The following RABGAP1 variants were observed in gnomAD, a reference collection of about 807,000 sequenced individuals.
RABGAP1 encodes RAB GTPase activating protein 1.
In RABGAP1, 23 loss-of-function variants were observed where a neutral mutation model predicts 137.6. That is an observed-to-expected ratio of 0.17 (90% CI 0.12 to 0.24). RABGAP1 has a LOEUF of 0.24. Ranked by LOEUF, RABGAP1 falls within the 10% of genes least tolerant of loss-of-function variation. The pLI is 1.00. For missense variants in RABGAP1, 906 were observed against 1,275.8 expected (o/e 0.71, Z 4.42); for synonymous variants, 451 against 450.7 (o/e 1.00, Z -0.01).
chr9:123,087,945 G>A (rs1383971807), intron 19 of RABGAP1, among the ~76,000 whole-genome samples: 2 of 152,084 alleles, frequency 1.3e-5, no homozygotes, highest in South Asian at 4.1e-4. Flanking sequence ...GAGAGTCCTA[G>A]TTACCTGGAC....
chr9:123,079,043 T>G (rs1208747007), intron 19 of RABGAP1, among the ~76,000 whole-genome samples: 1 of 152,186 alleles, frequency 6.6e-6, no homozygotes, highest in Non-Finnish European at 1.5e-5. Flanking sequence ...TTCTTCCTGT[T>G]TCATGCAATT....
chr9:123,014,960 C>A (rs1011450252), intron 11 of RABGAP1, among the ~76,000 whole-genome samples: 1 of 152,026 alleles, frequency 6.6e-6, no homozygotes, highest in Admixed American at 6.6e-5. Context: ...TGGGGGAAAC[C>A]GCCCCCATGA....
chr9:123,070,536 A>AT lies in RABGAP1; in HGVS notation c.1983+116dup. The stretch of plus-strand genomic sequence containing the variant: ...GTTTGGACAGACTCTTAAGGCATGA[A>AT]TTTTAACACCTATAGCTGGAAACTT... On this transcript the variant is annotated intron_variant, in intron 15 of 25. Transcript: ENST00000373647. This position sits in a 1 kb window ranked among gnomAD's most constrained non-coding sequence, Gnocchi z 4.4. 4.0e-6 allele frequency: 6 copies of AT among 1,509,624 alleles called. No homozygotes were observed. The highest frequency in any genetic ancestry group is 4.4e-6 in the Non-Finnish European group (5 of 1,131,596). The allele number at this position is 1,509,624 out of a possible 1,614,324, so 93.5% of individuals were successfully genotyped here. A position where few individuals can be genotyped will look rare whatever the true frequency, so the allele number is the denominator to read the frequency against.
At chr9:122,934,437 C>T in the RABGAP1 span, among the ~76,000 whole-genome samples, 1 of 152,162 alleles carries the variant, frequency 6.6e-6, no homozygotes. Context: ...CTCTTGTAGA[C>T]AGCATTTAGT....
At chr9:122,940,614 AT>A (rs1833490214), upstream of RABGAP1, among the ~76,000 whole-genome samples, 1 of 152,138 alleles carries the variant, frequency 6.6e-6, no homozygotes, top group Non-Finnish European at 1.5e-5. Flanking sequence ...TGAAGTACTG[AT>A]TTTCAAACAG....
chr9:123,067,259 T>C (rs2034206559), intron 14 of RABGAP1, among the ~76,000 whole-genome samples: 2 of 152,248 alleles, frequency 1.3e-5, no homozygotes, highest in South Asian at 4.1e-4. Context: ...GAGTTAGATA[T>C]GACTGATGTC....
In RABGAP1 at chr9:122,954,739, T is replaced by C. The variant is rs367995340; in HGVS notation, c.-49-2272T>C. ...ACTCCTTTACCCAATACTGAGTGTT[T>C]TGGGACAAGGCCCAAATTTGTGGCA... On this transcript the variant is annotated intron_variant, in intron 1 of 25. Coordinates refer to ENST00000373647, the MANE Select transcript of RABGAP1 (RefSeq NM_012197.4). Among the ~76,000 whole-genome samples, 8 of 152,206 alleles carry C rather than the reference T, an allele frequency of 5.3e-5. No homozygotes were observed. In the East Asian group the frequency reaches 1.2e-3, roughly 22 times the overall value.
At chr9:123,082,551 A>T (rs2034742362) in intron 19 of RABGAP1, among the ~76,000 whole-genome samples, 1 of 152,216 alleles carries the variant, frequency 6.6e-6, no homozygotes, top group African/African-American at 2.4e-5. Flanking sequence ...TTTGAGAACA[A>T]GTGAGACATA....
intron 13 of RABGAP1, among the ~76,000 whole-genome samples, chr9:123,063,994 G>T (rs1018564878): frequency 6.6e-6 from 1 of 152,106 alleles, no homozygotes; most frequent in Non-Finnish European, 1.5e-5. Flanking sequence ...TACAATTCTA[G>T]CTACCTTGCC....
chr9:122,944,790 T>C (rs1833847039), intron 1 of RABGAP1, among the ~76,000 whole-genome samples: 1 of 151,984 alleles, frequency 6.6e-6, no homozygotes, highest in Non-Finnish European at 1.5e-5. Context: ...TTGGCCAGGC[T>C]GGTCTCGAAC....
At chr9:123,100,741 G>A (rs1378755902) in intron 24 of RABGAP1, among the ~76,000 whole-genome samples, 1 of 152,242 alleles carries the variant, frequency 6.6e-6, no homozygotes, top group Middle Eastern at 3.4e-3. Context: ...TTTTTAAACA[G>A]AACTTATTTT....
At chr9:123,075,747 G>A (rs1303090888) in intron 17 of RABGAP1, among the ~76,000 whole-genome samples, 1 of 152,202 alleles carries the variant, frequency 6.6e-6, no homozygotes, top group African/African-American at 2.4e-5. Flanking sequence ...CTGAGGCCCA[G>A]CAGCTTAAGC....
At chr9:123,056,233 G>T (rs532074281) in intron 13 of RABGAP1, among the ~76,000 whole-genome samples, 38 of 152,314 alleles carry the variant, frequency 2.5e-4, no homozygotes, top group African/African-American at 8.9e-4. Flanking sequence ...AATGTTGACA[G>T]CAAATCATGT....
In RABGAP1 at chr9:123,064,095, G is replaced by C. The variant is rs532551271; in HGVS notation, c.1795-1253G>C. Among the ~76,000 whole-genome samples the C allele has an allele frequency of 1.6e-4, 24 of 152,142 alleles. No homozygotes were observed. The South Asian group carries it at 4.6e-3, about 29-fold the overall frequency. On this transcript the variant is annotated intron_variant, in intron 13 of 25. Coordinates refer to ENST00000373647, the MANE Select transcript of RABGAP1 (RefSeq NM_012197.4). Reference sequence around the variant, plus strand: ...CTCTCTCATTTTCTCACTCTCGCTTGCTCTCCCTCTCTCTCCCACTTTCTC... The same window carrying C: ...CTCTCTCATTTTCTCACTCTCGCTTCCTCTCCCTCTCTCTCCCACTTTCTC...
At chr9:123,029,399 G>A in intron 13 of RABGAP1, 1 of 1,456,468 alleles carries the variant, frequency 6.9e-7, no homozygotes, top group Non-Finnish European at 9.6e-7. Flanking sequence ...ACCAGCAGCT[G>A]GAGCATCTCT....
chr9:123,034,718 T>C, intron 13 of RABGAP1: 1 of 1,613,906 alleles, frequency 6.2e-7, no homozygotes, highest in Non-Finnish European at 8.5e-7. Context: ...ATTGTGATTT[T>C]TGTATTTCAC....
intron 2 of RABGAP1, among the ~76,000 whole-genome samples, chr9:122,958,009 AG>A (rs1483453926): frequency 4.6e-5 from 7 of 152,216 alleles, no homozygotes; most frequent in South Asian, 2.1e-4. Flanking sequence ...AAAATCTACA[AG>A]GAAAATAATT....
At chr9:122,996,214 A>C in intron 7 of RABGAP1, 63 bp downstream of exon 7, 2 of 1,532,006 alleles carry the variant, frequency 1.3e-6, no homozygotes, top group Non-Finnish European at 1.7e-6. Context: ...CTAATGGCAT[A>C]GTTTTACACT....
At chr9:123,013,112 A>G (rs1171845767) in intron 11 of RABGAP1, among the ~76,000 whole-genome samples, 1 of 152,232 alleles carries the variant, frequency 6.6e-6, no homozygotes, top group African/African-American at 2.4e-5. Context: ...GAAAGTATCC[A>G]AAATGTGAAA....
Sources: gnomAD v4.1 joint callset for allele counts (sites outside exome capture counted in the v4.1 genomes callset) on GRCh38, gnomAD v4.1.1 for gene constraint, Gnocchi (gnomAD v3.1) non-coding constraint, MANE v1.5 for transcripts, NCBI Gene and HGNC (gene_info 2026-07-23, HGNC 2026-07-21) for gene names.